The following LRRC42 variants were observed in gnomAD, a reference collection of about 807,000 sequenced individuals.
The protein encoded by LRRC42 is leucine-rich repeat-containing protein 42.
LRRC42 carries 43 observed loss-of-function variants against 44.3 expected under a neutral mutation model. That is an observed-to-expected ratio of 0.97 (90% CI 0.76 to 1.25). The LOEUF is 1.25. Among genes scored for constraint, LRRC42 ranks in the 50% most tolerant of loss-of-function variants. The probability of loss-of-function intolerance (pLI) is 0.00; values close to 1 mark genes in which losing one functional copy is unlikely to be tolerated. For missense variants in LRRC42, 540 were observed against 509.1 expected (o/e 1.06, Z -0.58); for synonymous variants, 207 against 195.2 (o/e 1.06, Z -0.50).
intron 2 of LRRC42, among the ~76,000 whole-genome samples, chr1:53,949,710 T>C (rs1654620303): frequency 6.6e-6 from 1 of 152,210 alleles, no homozygotes; most frequent in African/African-American, 2.4e-5. Flanking sequence ...GAGCTGGCAC[T>C]GTGACAGGAT....
intron 8 of LRRC42, among the ~76,000 whole-genome samples, chr1:53,966,941 G>T (rs774674138): frequency 3.9e-5 from 6 of 151,944 alleles, no homozygotes; most frequent in African/African-American, 1.5e-4. Context: ...GGGGTGGCAC[G>T]GGCAGGAATA....
intron 1 of LRRC42, among the ~76,000 whole-genome samples, chr1:53,947,266 G>A (rs1364081908): frequency 1.3e-5 from 2 of 152,032 alleles, no homozygotes; most frequent in African/African-American, 4.8e-5. Context: ...GCTGGGGTGG[G>A]CGAAGGGAGT....
At chr1:53,958,900 C>A (rs931598756) in intron 4 of LRRC42, among the ~76,000 whole-genome samples, 1 of 151,076 alleles carries the variant, frequency 6.6e-6, no homozygotes, top group African/African-American at 2.4e-5. Context: ...TTATTTATTT[C>A]TTTAGACGGA....
Position 53,960,354 on chromosome 1 carries a change from A to G in LRRC42, c.606-2A>G. ...ATTTATGTATGTACTTTGTTTCCCTAGTGTAACTCAGCTCCACCTGAAGGA... is the reference window on the plus strand; with the variant it reads ...ATTTATGTATGTACTTTGTTTCCCTGGTGTAACTCAGCTCCACCTGAAGGA... On this transcript the variant is annotated splice_acceptor_variant, in intron 4 of 8. Transcript: ENST00000371370. LOFTEE classifies it high-confidence loss of function. 1.2e-6 allele frequency: 2 copies of G among 1,602,234 alleles called. No homozygotes were observed. The highest frequency in any genetic ancestry group is 2.2e-5 in the South Asian group (2 of 89,354).
chr1:53,951,454 C>T (rs539407576), intron 2 of LRRC42, among the ~76,000 whole-genome samples: 2 of 152,182 alleles, frequency 1.3e-5, no homozygotes, highest in East Asian at 3.9e-4. Context: ...GACGGAGTCT[C>T]GCTCTTGTCA....
chr1:53,966,411 T>G, intron 8 of LRRC42, 31 bp downstream of exon 8: 2 of 1,545,020 alleles, frequency 1.3e-6, no homozygotes, highest in Non-Finnish European at 1.8e-6. Context: ...TGAAGTTTTT[T>G]GCCCTTTATT....
At chr1:53,960,568 G>C in intron 5 of LRRC42, 94 bp downstream of exon 5, 1 of 961,926 alleles carries the variant, frequency 1.0e-6, no homozygotes, top group South Asian at 1.6e-5. Context: ...AGGTGAGAAA[G>C]GAAAGGTGAC....
intron 1 of LRRC42, 87 bp downstream of exon 1, chr1:53,946,636 G>A (rs1394097461): frequency 6.6e-6 from 1 of 151,770 alleles, no homozygotes; most frequent in Admixed American, 6.6e-5. Flanking sequence ...GGGCGGGGTG[G>A]GGGAGGGGAC....
chr1:53,952,770 C>A lies in LRRC42; in HGVS notation c.473+298C>A, dbSNP rs367717451. 5.3e-5 allele frequency among the ~76,000 whole-genome samples: 8 copies of A among 152,318 alleles called. No individual in the cohort carries two copies. The East Asian group carries it at 9.6e-4, about 18-fold the overall frequency. ...GAAAATAGAAAAGACAAAATGTGAT[C>A]TGCCAAATATCTCTTGATACGCTCT... On this transcript the variant is annotated intron_variant, in intron 3 of 8. Coordinates refer to ENST00000371370, the MANE Select transcript of LRRC42 (RefSeq NM_001256409.2).
At chr1:53,951,480 A>G (rs1654676827) in intron 2 of LRRC42, among the ~76,000 whole-genome samples, 1 of 152,120 alleles carries the variant, frequency 6.6e-6, no homozygotes, top group South Asian at 2.1e-4. Context: ...GCTGGAGTGC[A>G]ATGAAACAAT....
intron 3 of LRRC42, among the ~76,000 whole-genome samples, chr1:53,957,259 C>G (rs1417873482): frequency 6.6e-6 from 1 of 152,198 alleles, no homozygotes; most frequent in East Asian, 1.9e-4. Context: ...TCCAGACATT[C>G]AAGAGGAAGG....
chr1:53,957,707 G>A (rs759785491), intron 3 of LRRC42, among the ~76,000 whole-genome samples: 1 of 152,178 alleles, frequency 6.6e-6, no homozygotes, highest in Non-Finnish European at 1.5e-5. Context: ...GATTGGAAAC[G>A]AGAGTTCTTG....
chr1:53,958,374 C>T (rs1394692805), intron 4 of LRRC42, 94 bp downstream of exon 4: 12 of 1,487,986 alleles, frequency 8.1e-6, no homozygotes, highest in Non-Finnish European at 1.0e-5. Flanking sequence ...GATTACTTCC[C>T]ATTCTTATGT....
At chr1:53,957,015 C>A (rs1029631955) in intron 3 of LRRC42, among the ~76,000 whole-genome samples, 1 of 152,150 alleles carries the variant, frequency 6.6e-6, no homozygotes, top group Non-Finnish European at 1.5e-5. Context: ...TAGGTTCCAC[C>A]CTTTAAGGGG....
At position 53,963,009 on chromosome 1, in the gene LRRC42, A is replaced by G. The variant is rs537863650; in HGVS notation, c.927+600A>G. Among the ~76,000 whole-genome samples, 14 of 152,188 alleles carry G rather than the reference A, an allele frequency of 9.2e-5. No homozygotes were observed. In the East Asian group the frequency reaches 1.4e-3, roughly 15 times the overall value. ...TCTTCTATGTAAGTTGGAAGTGTGA[A>G]AGTAACCAAGTAGGACAGCACAAGT... On this transcript the variant is annotated intron_variant, in intron 7 of 8. Transcript: ENST00000371370.
In LRRC42 at chr1:53,958,271, C is replaced by T; in HGVS notation, c.596C>T (p.Ala199Val). ...HELLEHLTNE[A>V]LSSVTQLHLK... ...CTTCTAGAACATCTCACCAATGAAG[C>T]CCTGTCTAGGTACTGACCTGTCACC... is the stretch of plus-strand genomic sequence containing the variant. The change falls in exon 4 of 9, where the codon GCC (alanine) becomes GTC (valine). Residue 199 changes from alanine to valine, a missense_variant. Ala to Val is a moderately conservative substitution (Grantham distance 64). Coordinates refer to ENST00000371370, the MANE Select transcript of LRRC42 (RefSeq NM_001256409.2). The T allele has an allele frequency of 6.2e-7, 1 of 1,613,536 alleles. No individual in the cohort carries two copies. The highest frequency in any genetic ancestry group is 1.1e-5 in the South Asian group (1 of 91,056).
chr1:53,967,996 A>G lies in LRRC42; in HGVS notation c.*57A>G, dbSNP rs1414839533. 6.5e-7 allele frequency: 1 copy of G among 1,537,788 alleles called. No individual in the cohort carries two copies. Among genetic ancestry groups the G allele is most frequent in the African/African-American group, 1.4e-5 (1 of 72,192 alleles). ...CCCAGCTCTAGTGTTTGAGTAAAGG[A>G]GACTGAGGATGATTTACTTTTTGTT... On this transcript the variant is annotated 3_prime_UTR_variant, in exon 9 of 9. Transcript: ENST00000371370.
chr1:53,963,885 G>T (rs914065167), intron 7 of LRRC42, among the ~76,000 whole-genome samples: 2 of 149,810 alleles, frequency 1.3e-5, no homozygotes, highest in Non-Finnish European at 3.0e-5. Flanking sequence ...AAAAAATTCT[G>T]TTCCCTAAGA....
intron 4 of LRRC42, 22 bp downstream of exon 4, chr1:53,958,302 C>G: frequency 1.9e-6 from 3 of 1,611,810 alleles, no homozygotes; most frequent in Non-Finnish European, 1.7e-6. Context: ...TCACCACTTG[C>G]AGATGAATTG....
Sources: allele counts gnomAD v4.1 joint callset (sites outside exome capture counted in the v4.1 genomes callset), GRCh38; gene constraint gnomAD v4.1.1; transcripts MANE v1.5; gene names NCBI Gene and HGNC (gene_info 2026-07-23, HGNC 2026-07-21).